The following RIT2 variants were observed in gnomAD, a reference collection of about 807,000 sequenced individuals.
The protein encoded by RIT2 is GTP-binding protein Rit2.
Under a neutral mutation model 23.7 loss-of-function variants are expected in RIT2, and 24 were observed. The observed-to-expected ratio is 1.01, with a 90% confidence interval of 0.73 to 1.43. RIT2 has a LOEUF of 1.43. RIT2 is among the 40% of genes most tolerant of loss of function. The probability of loss-of-function intolerance (pLI) is 0.00; values close to 1 mark genes in which losing one functional copy is unlikely to be tolerated. For synonymous variants in RIT2, 107 were observed against 91.1 expected (o/e 1.17, Z -0.99); for missense variants, 236 against 266.9 (o/e 0.88, Z 0.81).
intron 4 of RIT2, among the ~76,000 whole-genome samples, chr18:42,911,755 T>C (rs1446894445): frequency 6.6e-6 from 1 of 151,964 alleles, no homozygotes; most frequent in Non-Finnish European, 1.5e-5. Context: ...AATAGATAAA[T>C]GGAATAGTTC....
intron 2 of RIT2, among the ~76,000 whole-genome samples, chr18:42,998,434 G>A (rs1911034552): frequency 6.6e-6 from 1 of 152,012 alleles, no homozygotes; most frequent in African/African-American, 2.4e-5. Context: ...CTCTCTCACT[G>A]CTAAAGTGCA....
intron 4 of RIT2, among the ~76,000 whole-genome samples, chr18:42,870,493 C>G (rs899073277): frequency 6.6e-6 from 1 of 152,090 alleles, no homozygotes; most frequent in African/African-American, 2.4e-5. Context: ...GGATTACAGG[C>G]GTGAGCCACC....
At chr18:42,791,925 C>T (rs974870995) in intron 4 of RIT2, among the ~76,000 whole-genome samples, 3 of 152,102 alleles carry the variant, frequency 2.0e-5, no homozygotes, top group African/African-American at 7.2e-5. Context: ...GAATGTGACC[C>T]AGTCATAGCT....
At chr18:42,923,830 T>G (rs1368793159) in intron 3 of RIT2, 67 bp from the exon 4 acceptor site, 2 of 1,214,492 alleles carry the variant, frequency 1.6e-6, no homozygotes, top group Non-Finnish European at 1.2e-6. Flanking sequence ...GAGGTTTAAA[T>G]GTAATCATTA....
chr18:43,073,424 A>T (rs1327321848), intron 1 of RIT2, among the ~76,000 whole-genome samples: 2 of 152,164 alleles, frequency 1.3e-5, no homozygotes, highest in Non-Finnish European at 2.9e-5. Flanking sequence ...GTTCCTTTGG[A>T]TGTATCTGGT....
In RIT2 at chr18:42,812,456, T is replaced by C. The variant is rs74580416; in HGVS notation, c.427-68736A>G. Among the ~76,000 whole-genome samples the C allele has an allele frequency of 2.1e-3, 314 of 152,256 alleles. 3 individuals carry two copies. Among genetic ancestry groups the C allele is most frequent in the African/African-American group, 7.0e-3 (292 of 41,562 alleles). On this transcript the variant is annotated intron_variant, in intron 4 of 4. Coordinates refer to ENST00000326695, the MANE Select transcript of RIT2 (RefSeq NM_002930.4). Reference sequence around the variant, plus strand: ...CATTTTCAGCATAAACTGGTTCATATTGAATGAGTAAAATGGCATCTTTGG... The same window carrying C: ...CATTTTCAGCATAAACTGGTTCATACTGAATGAGTAAAATGGCATCTTTGG...
intron 4 of RIT2, among the ~76,000 whole-genome samples, chr18:42,854,002 TTACTGGTAGCTTAG>T (rs1907120560): frequency 6.6e-6 from 1 of 152,202 alleles, no homozygotes; most frequent in African/African-American, 2.4e-5. Context: ...TTATTTCTTA[TTACTGGTAGCTTAG>T]TACATGGTTT....
intron 4 of RIT2, among the ~76,000 whole-genome samples, chr18:42,889,472 T>A (rs1908114902): frequency 6.6e-6 from 1 of 152,070 alleles, no homozygotes; most frequent in African/African-American, 2.4e-5. Flanking sequence ...GAATTACCAT[T>A]GACTATTCAA....
At chr18:43,021,951 T>C (rs1911607871) in intron 2 of RIT2, among the ~76,000 whole-genome samples, 1 of 152,136 alleles carries the variant, frequency 6.6e-6, no homozygotes, top group Admixed American at 6.6e-5. Context: ...AATTTCGCCA[T>C]TGGGAATTTA....
chr18:42,752,108 T>C (rs1201820261), intron 4 of RIT2, among the ~76,000 whole-genome samples: 1 of 151,884 alleles, frequency 6.6e-6, no homozygotes, highest in Non-Finnish European at 1.5e-5. Flanking sequence ...GATTTCTGGG[T>C]TTTATGCTTA....
At chr18:42,920,688 T>C (rs1909032736) in intron 4 of RIT2, 1 of 1,579,368 alleles carries the variant, frequency 6.3e-7, no homozygotes, top group African/African-American at 1.3e-5. Context: ...TACAGGCACC[T>C]ATTCTTACCA....
intron 4 of RIT2, among the ~76,000 whole-genome samples, chr18:42,757,268 G>A (rs533694358): frequency 7.2e-5 from 11 of 152,154 alleles, no homozygotes; most frequent in African/African-American, 2.7e-4. Flanking sequence ...CAAAATGCTT[G>A]ATTACATATG....
At chr18:42,884,346 C>T (rs1907967929) in intron 4 of RIT2, among the ~76,000 whole-genome samples, 1 of 152,208 alleles carries the variant, frequency 6.6e-6, no homozygotes, top group South Asian at 2.1e-4. Flanking sequence ...GAGGTCATAA[C>T]TATGACAAAC....
Position 42,943,883 on chromosome 18 carries a change from T to C in RIT2, c.235-20120A>G, listed in dbSNP as rs918811806. ...ACCTCACATTGAATCTATTAGCAAA[T>C]GTTGCCAGCTCTACCTTCAGTGTAT... is the stretch of plus-strand genomic sequence containing the variant. On this transcript the variant is annotated intron_variant, in intron 3 of 4. Transcript: ENST00000326695. 7.9e-5 allele frequency among the ~76,000 whole-genome samples: 12 copies of C among 152,174 alleles called. No individual in the cohort carries two copies. In the East Asian group the frequency reaches 2.3e-3, roughly 29 times the overall value.
At position 43,115,417 on chromosome 18, in the gene RIT2, C is replaced by G; in HGVS notation, c.103G>C (p.Ala35Pro). ...CCCAGCATTTGGTGTGAAAACTTAC[C>G]GCTTTTACCAACTCCCCCTGCTCCC... ...MLGAGGVGKS[A>P]MTMQFISHQF... Residue 35 changes from alanine (A) to proline (P), a missense_variant and splice_region_variant, in exon 1 of 5, where the codon GCA becomes CCA. Coordinates refer to ENST00000326695, the MANE Select transcript of RIT2 (RefSeq NM_002930.4). The G allele has an allele frequency of 6.2e-7, 1 of 1,612,978 alleles. No individual in the cohort carries two copies. The highest frequency in any genetic ancestry group is 8.5e-7 in the Non-Finnish European group (1 of 1,179,552).
chr18:43,000,646 C>T (rs1218886302), intron 2 of RIT2, among the ~76,000 whole-genome samples: 1 of 151,802 alleles, frequency 6.6e-6, no homozygotes, highest in Non-Finnish European at 1.5e-5. Flanking sequence ...GAAGGTGGTT[C>T]CCCTATGCTG....
intron 2 of RIT2, among the ~76,000 whole-genome samples, chr18:43,033,036 C>T (rs1301623191): frequency 1.3e-5 from 2 of 152,110 alleles, no homozygotes; most frequent in Admixed American, 6.6e-5. Flanking sequence ...AGCCATGAGG[C>T]TATATGCCTC....
chr18:43,103,691 C>T (rs971737026), intron 1 of RIT2, among the ~76,000 whole-genome samples: 7 of 152,028 alleles, frequency 4.6e-5, no homozygotes, highest in East Asian at 1.9e-4. Context: ...AAAATAACTT[C>T]GTGATTGGGG....
At chr18:42,854,368 A>AAT (rs1470825767) in intron 4 of RIT2, among the ~76,000 whole-genome samples, 4 of 152,188 alleles carry the variant, frequency 2.6e-5, no homozygotes, top group Non-Finnish European at 5.9e-5. Context: ...GTAAGCTTAT[A>AAT]ATAAGTAACT....
Sources: gnomAD v4.1 joint callset for allele counts (sites outside exome capture counted in the v4.1 genomes callset) on GRCh38, gnomAD v4.1.1 for gene constraint, MANE v1.5 for transcripts, NCBI Gene and HGNC (gene_info 2026-07-23, HGNC 2026-07-21) for gene names.